SORCS3: variants seen among roughly 807,000 people sequenced by gnomAD.
SORCS3 encodes VPS10 domain-containing receptor SorCS3.
Under a neutral mutation model 146.3 loss-of-function variants are expected in SORCS3, and 57 were observed. The ratio of observed to expected loss-of-function variants is 0.39; its 90% CI spans 0.31 to 0.49. The LOEUF is 0.49. SORCS3 is among the 20% of genes least tolerant of loss of function. The probability of loss-of-function intolerance (pLI) is 0.92; values close to 1 mark genes in which losing one functional copy is unlikely to be tolerated. For synonymous variants in SORCS3, 653 were observed against 618.5 expected (o/e 1.06, Z -0.83); for missense variants, 1,341 against 1,575.5 (o/e 0.85, Z 2.52).
At chr10:105,079,373 C>T (rs1274415546) in intron 5 of SORCS3, among the ~76,000 whole-genome samples, 1 of 152,114 alleles carries the variant, frequency 6.6e-6, no homozygotes. Context: ...AAATATTGAG[C>T]TGGGCCATAA....
At chr10:105,114,084 T>C (rs1455662513) in intron 7 of SORCS3, among the ~76,000 whole-genome samples, 1 of 152,166 alleles carries the variant, frequency 6.6e-6, no homozygotes, top group Non-Finnish European at 1.5e-5. Flanking sequence ...ATTCATACCC[T>C]GGCTACCCTT....
chr10:105,104,645 C>T (rs2055808833), intron 6 of SORCS3, among the ~76,000 whole-genome samples: 1 of 152,206 alleles, frequency 6.6e-6, no homozygotes, highest in African/African-American at 2.4e-5. Flanking sequence ...GCAGAGGTCT[C>T]ACTTGAATTC....
At chr10:105,195,542 C>CCTG (rs1412678058) in intron 14 of SORCS3, among the ~76,000 whole-genome samples, 1 of 152,094 alleles carries the variant, frequency 6.6e-6, no homozygotes, top group East Asian at 1.9e-4. Flanking sequence ...AATTTCATTC[C>CCTG]CTGCTTATTT....
intron 3 of SORCS3, among the ~76,000 whole-genome samples, chr10:104,922,747 G>T (rs1589550667): frequency 6.7e-6 from 1 of 150,136 alleles, no homozygotes; most frequent in South Asian, 2.1e-4. Context: ...TGTTATCCCT[G>T]TTTCCAGTTG....
At chr10:105,129,063 C>T (rs1589647085) in intron 7 of SORCS3, among the ~76,000 whole-genome samples, 2 of 152,058 alleles carry the variant, frequency 1.3e-5, no homozygotes, top group African/African-American at 4.8e-5. Flanking sequence ...CACCTTTTCC[C>T]TTCTCCTCTC....
intron 1 of SORCS3, among the ~76,000 whole-genome samples, chr10:104,835,449 G>C (rs1035257832): frequency 2.0e-5 from 3 of 152,140 alleles, no homozygotes; most frequent in Non-Finnish European, 4.4e-5. Flanking sequence ...GAGCCCCATG[G>C]ATTTAAAGGC....
intron 3 of SORCS3, among the ~76,000 whole-genome samples, chr10:104,938,462 C>G (rs2019281176): frequency 6.6e-6 from 1 of 152,130 alleles, no homozygotes. Flanking sequence ...CTCACTCATA[C>G]TCTTTGACCT....
At chr10:104,770,631 G>A (rs1162061935) in intron 1 of SORCS3, among the ~76,000 whole-genome samples, 1 of 151,852 alleles carries the variant, frequency 6.6e-6, no homozygotes, top group Non-Finnish European at 1.5e-5. Context: ...ACCAGCTTTG[G>A]CAACATAGCA....
chr10:105,249,087 GAAC>G (rs1316460190), intron 22 of SORCS3, among the ~76,000 whole-genome samples: 1 of 152,136 alleles, frequency 6.6e-6, no homozygotes, highest in South Asian at 2.1e-4. Flanking sequence ...TTAAAAAATT[GAAC>G]AATAGAATTG....
At chr10:104,841,704 G>A (rs1407308176) in intron 1 of SORCS3, among the ~76,000 whole-genome samples, 1 of 152,068 alleles carries the variant, frequency 6.6e-6, no homozygotes, top group African/African-American at 2.4e-5. Context: ...GAATGGGAAA[G>A]TCCCATCTCG....
At chr10:105,027,541 AT>A (rs1433775438) in intron 4 of SORCS3, among the ~76,000 whole-genome samples, 3 of 152,054 alleles carry the variant, frequency 2.0e-5, no homozygotes, top group Non-Finnish European at 4.4e-5. Flanking sequence ...GCTGCAGTTT[AT>A]TTGTAAGCCT....
intron 5 of SORCS3, among the ~76,000 whole-genome samples, chr10:105,043,738 C>T (rs1275485109): frequency 6.6e-6 from 1 of 151,920 alleles, no homozygotes; most frequent in Non-Finnish European, 1.5e-5. Flanking sequence ...GAATCCTTTT[C>T]TCATGTCACA....
chr10:104,869,584 G>A (rs1387049795), intron 2 of SORCS3, among the ~76,000 whole-genome samples: 1 of 152,158 alleles, frequency 6.6e-6, no homozygotes, highest in Non-Finnish European at 1.5e-5. Flanking sequence ...ATAAAACTAA[G>A]CATCACAGCA....
chr10:104,981,816 G>A (rs1043399299), intron 4 of SORCS3, among the ~76,000 whole-genome samples: 16 of 152,054 alleles, frequency 1.1e-4, no homozygotes, highest in Non-Finnish European at 1.8e-4. Flanking sequence ...TTTTTTCTGC[G>A]TGAGAGGTAG....
At chr10:104,848,202 T>C (rs2018229537) in intron 2 of SORCS3, among the ~76,000 whole-genome samples, 1 of 152,192 alleles carries the variant, frequency 6.6e-6, no homozygotes, top group Non-Finnish European at 1.5e-5. Flanking sequence ...TTTCCATGTA[T>C]TGAGTTGTCT....
At chr10:104,811,691 C>T (rs1054591965) in intron 1 of SORCS3, among the ~76,000 whole-genome samples, 6 of 152,140 alleles carry the variant, frequency 3.9e-5, no homozygotes, top group African/African-American at 1.2e-4. Context: ...GAGGTTCATA[C>T]GCAGGGAGTC....
In SORCS3 at chr10:105,249,118, G is replaced by A. The variant is rs146071299; in HGVS notation, c.3105+1787G>A. On this transcript the variant is annotated intron_variant, in intron 22 of 26. Transcript: ENST00000369701. Reference sequence around the variant, plus strand: ...TAGAATTGGTGACTAAGGAAATGTCGTGTGGGTGAGAAGGAGAGAGAAATT... The same window carrying A: ...TAGAATTGGTGACTAAGGAAATGTCATGTGGGTGAGAAGGAGAGAGAAATT... 5.3e-5 allele frequency among the ~76,000 whole-genome samples: 8 copies of A among 152,304 alleles called. No homozygotes were observed. In the East Asian group the frequency reaches 1.2e-3, roughly 22 times the overall value.
intron 7 of SORCS3, among the ~76,000 whole-genome samples, chr10:105,112,557 A>G (rs750646269): frequency 3.5e-4 from 53 of 152,152 alleles, no homozygotes; most frequent in Non-Finnish European, 6.8e-4. Context: ...TGAGCACAGT[A>G]TCAGGGCATC....
chr10:104,982,952 G>C (rs1417228568), intron 4 of SORCS3, among the ~76,000 whole-genome samples: 1 of 152,182 alleles, frequency 6.6e-6, no homozygotes, highest in Non-Finnish European at 1.5e-5. Context: ...ACAACCTTTA[G>C]CAAAATGTGG....
Sources: allele counts gnomAD v4.1 joint callset (sites outside exome capture counted in the v4.1 genomes callset), GRCh38; gene constraint gnomAD v4.1.1; transcripts MANE v1.5; gene names NCBI Gene and HGNC (gene_info 2026-07-23, HGNC 2026-07-21).